Variants in GTF2F1 observed in about 807,000 individuals in gnomAD.
GTF2F1 encodes general transcription factor IIF subunit 1.
In GTF2F1, 39 loss-of-function variants were observed where a neutral mutation model predicts 63.5. The ratio of observed to expected loss-of-function variants is 0.61; its 90% CI spans 0.48 to 0.80. The LOEUF is 0.80. GTF2F1 is among the 30% of genes least tolerant of loss of function. GTF2F1 has a pLI of 0.00. For synonymous variants in GTF2F1, 287 were observed against 285.3 expected, an observed-to-expected ratio of 1.01 and a Z score of -0.06; for missense variants, 657 against 718.3, an observed-to-expected ratio of 0.91 and a Z score of 0.97.
rs1180592707 is a variant in GTF2F1 at position 6,381,832 on chromosome 19, G to T, written c.701C>A (p.Ala234Asp). The T allele has an allele frequency of 6.2e-7, 1 of 1,612,952 alleles. No homozygotes were observed. The highest frequency in any genetic ancestry group is 1.1e-5 in the South Asian group (1 of 91,078). ...SGEEGGRVPK[A>D]KKKAPLAKGG... ...CTTGGCCAGCGGCGCCTTCTTCTTGGCCTTGGGGACTCTGCCCCCTGGGAA... is the reference window on the plus strand; with the variant it reads ...CTTGGCCAGCGGCGCCTTCTTCTTGTCCTTGGGGACTCTGCCCCCTGGGAA... Residue 234 changes from alanine (A) to aspartate (D), a missense_variant, in exon 7 of 13, where the codon GCC becomes GAC. Transcript: ENST00000394456. This position sits in a 1 kb window ranked among gnomAD's most constrained non-coding sequence, Gnocchi z 4.1.
chr19:6,382,838 T>C (rs1040903817), intron 6 of GTF2F1, among the ~76,000 whole-genome samples: 1 of 147,530 alleles, frequency 6.8e-6, no homozygotes, highest in Non-Finnish European at 1.5e-5. Flanking sequence ...ATGGCTCAGC[T>C]CTCCCGGGCT....
At chr19:6,387,658 G>A (rs2145079880) in intron 4 of GTF2F1, 99 bp from the exon 5 acceptor site, 1 of 902,488 alleles carries the variant, frequency 1.1e-6, no homozygotes, top group East Asian at 2.5e-5. Flanking sequence ...TGCCATAGGA[G>A]GAAGACCAAG....
In GTF2F1 at chr19:6,389,471, AGC is replaced by A; in HGVS notation, c.297_298del (p.Leu100ProfsTer91). On this transcript the variant is annotated frameshift_variant, in exon 4 of 13. Transcript: ENST00000394456. LOFTEE classifies it high-confidence loss of function. ...CCTGCCTGATTTGCCGTTGACCCGG[AGC>A]AGCCAGGGCTGGTCCTCGGGCCGGA... 6.2e-7 allele frequency: 1 copy of A among 1,614,002 alleles called. No individual in the cohort carries two copies. Among genetic ancestry groups the A allele is most frequent in the Non-Finnish European group, 8.5e-7 (1 of 1,179,952 alleles).
intron 4 of GTF2F1, 109 bp downstream of exon 4, chr19:6,389,335 A>T (rs73920657): frequency 0.11 from 79,614 of 716,892 alleles, 8,637 homozygotes; most frequent in East Asian, 0.38. Flanking sequence ...CTTCCACTGC[A>T]GCAGTGGGAA....
At chr19:6,387,219 A>C in intron 5 of GTF2F1, 170 bp downstream of exon 5, 1 of 619,228 alleles carries the variant, frequency 1.6e-6, no homozygotes, top group Non-Finnish European at 2.8e-6. Flanking sequence ...TTGTGGCCCT[A>C]AGGCCTCCTA....
At position 6,389,694 on chromosome 19, in the gene GTF2F1, C is replaced by G. The variant is rs566814962; in HGVS notation, c.133-57G>C. The G allele has an allele frequency of 2.0e-6, 3 of 1,515,336 alleles. No individual in the cohort carries two copies. The South Asian group carries it at 3.4e-5, about 17-fold the overall frequency. The allele number at this position is 1,515,336 out of a possible 1,614,324, so 93.9% of individuals were successfully genotyped here. On this transcript the variant is annotated intron_variant, in intron 3 of 12. Transcript: ENST00000394456. The stretch of plus-strand genomic sequence containing the variant: ...TCCCTGGCTTTGCTTGCGCAGTGCC[C>G]CCCTCCAGGAACGCCCTTCCTTGCC...
In GTF2F1 at chr19:6,383,595, A is replaced by C; in HGVS notation, c.498-100T>G. On this transcript the variant is annotated intron_variant, in intron 5 of 12. Coordinates refer to ENST00000394456, the MANE Select transcript of GTF2F1 (RefSeq NM_002096.3). The surrounding 1 kb of genome is among the most constrained non-coding windows in gnomAD (Gnocchi z 4.5). ...CAGGGCACCACCCACATAGCCTTCA[A>C]GGTGATGTGGCCCCCGGGGACTTGG... 7.8e-7 allele frequency: 1 copy of C among 1,285,226 alleles called. No homozygotes were observed. The highest frequency in any genetic ancestry group is 1.3e-5 in the South Asian group (1 of 77,490). 79.6% of individuals were successfully genotyped at this position (1,285,226 alleles called of 1,614,324 possible).
Position 6,383,436 on chromosome 19 carries a change from T to A in GTF2F1, c.557A>T (p.Asp186Val), listed in dbSNP as rs1418232598. Reference sequence around the variant, plus strand: ...CTTCTCCTCCTCATCCTCGTCCTGGTCCTGATCCTTGAGCCGCCGCTGCTG... The same window carrying A: ...CTTCTCCTCCTCATCCTCGTCCTGGACCTGATCCTTGAGCCGCCGCTGCTG... ...IMQQRRLKDQ[D>V]QDEDEEEKEK... The change falls in exon 6 of 13, where the codon GAC becomes GTC. Residue 186 changes from aspartate to valine, a missense_variant. By Grantham distance (152) the Asp-to-Val change is radical. Coordinates refer to ENST00000394456, the MANE Select transcript of GTF2F1 (RefSeq NM_002096.3). The surrounding 1 kb of genome is among the most constrained non-coding windows in gnomAD (Gnocchi z 4.5). 1 of 1,614,210 alleles carries A rather than the reference T, an allele frequency of 6.2e-7. No individual in the cohort carries two copies. Among genetic ancestry groups the A allele is most frequent in the South Asian group, 1.1e-5 (1 of 91,090 alleles).
At chr19:6,388,209 C>T (rs1012982427) in intron 4 of GTF2F1, among the ~76,000 whole-genome samples, 3 of 152,154 alleles carry the variant, frequency 2.0e-5, no homozygotes, top group Non-Finnish European at 2.9e-5. Context: ...GGATTACAGG[C>T]GTGAGCCACC....
intron 4 of GTF2F1, among the ~76,000 whole-genome samples, 159 bp from the exon 5 acceptor site, chr19:6,387,718 A>G (rs2091979232): frequency 6.9e-6 from 1 of 144,718 alleles, no homozygotes; most frequent in African/African-American, 2.4e-5. Context: ...GGCCTCGTCA[A>G]TTTCCACATC....
chr19:6,387,277 G>C, intron 5 of GTF2F1, 112 bp downstream of exon 5: 2 of 1,037,114 alleles, frequency 1.9e-6, no homozygotes, highest in Non-Finnish European at 2.9e-6. Context: ...AGTGGGGTCT[G>C]CCCTGGTTAC....
chr19:6,389,287 A>T (rs1409435791), intron 4 of GTF2F1, among the ~76,000 whole-genome samples, 157 bp downstream of exon 4: 1 of 152,076 alleles, frequency 6.6e-6, no homozygotes, highest in Non-Finnish European at 1.5e-5. Context: ...AAATAAATAA[A>T]TAAATAATAA....
chr19:6,379,961 T>A lies in GTF2F1; in HGVS notation c.*320A>T. On this transcript the variant is annotated 3_prime_UTR_variant, in exon 13 of 13. Coordinates refer to ENST00000394456, the MANE Select transcript of GTF2F1 (RefSeq NM_002096.3). ...CTTAGGGAAGTGGAAGGGAGAACTG[T>A]AGAAGTTACCCAGTGGGCAGCACAG... 2.4e-6 allele frequency: 1 copy of A among 416,228 alleles called. No individual in the cohort carries two copies. The highest frequency in any genetic ancestry group is 4.5e-6 in the Non-Finnish European group (1 of 222,984). The allele number at this position is 416,228 out of a possible 1,614,324, so 25.8% of individuals were successfully genotyped here. A position where few individuals can be genotyped will look rare whatever the true frequency, so the allele number is the denominator to read the frequency against.
Position 6,383,169 on chromosome 19 carries a change from T to C in GTF2F1, c.682+142A>G. ...TGCCTGCCTCAGCCTCTCAAAGTGC[T>C]GGGATGACAGGCGTGAGCCACTGTG... is the stretch of plus-strand genomic sequence containing the variant. On this transcript the variant is annotated intron_variant, in intron 6 of 12. Transcript: ENST00000394456. The surrounding 1 kb of genome is among the most constrained non-coding windows in gnomAD (Gnocchi z 4.5). 5 of 838,348 alleles carry C rather than the reference T, an allele frequency of 6.0e-6. No individual in the cohort carries two copies. The South Asian group carries it at 8.0e-5, about 13-fold the overall frequency. The allele number at this position is 838,348 out of a possible 1,614,324, so 51.9% of individuals were successfully genotyped here.
chr19:6,383,283 G>T lies in GTF2F1; in HGVS notation c.682+28C>A. 1.2e-6 allele frequency: 2 copies of T among 1,607,540 alleles called. No homozygotes were observed. The highest frequency in any genetic ancestry group is 1.1e-5 in the South Asian group (1 of 90,904). ...GCACTGCCTGAGCAGGCACCTCTGT[G>T]ACCTAATGCCCAGGCGCCCGTACTC... On this transcript the variant is annotated intron_variant, in intron 6 of 12. Transcript: ENST00000394456. The surrounding 1 kb of genome is among the most constrained non-coding windows in gnomAD (Gnocchi z 4.5).
intron 3 of GTF2F1, among the ~76,000 whole-genome samples, chr19:6,389,936 G>C (rs1364410008): frequency 6.6e-6 from 1 of 152,220 alleles, no homozygotes; most frequent in African/African-American, 2.4e-5. Context: ...TTCCTTATCT[G>C]AGGAATGTAG....
chr19:6,391,439 GTTTTTTTT>G (rs11340944), intron 3 of GTF2F1, among the ~76,000 whole-genome samples: 24 of 87,442 alleles, frequency 2.7e-4, no homozygotes, highest in African/African-American at 6.6e-4. Context: ...TGCCATTTCC[GTTTTTTTT>G]TTTTTTTTTT....
Position 6,380,803 on chromosome 19 carries a change from G to A in GTF2F1, c.1231+101C>T. On this transcript the variant is annotated intron_variant, in intron 11 of 12. Transcript: ENST00000394456. This position sits in a 1 kb window ranked among gnomAD's most constrained non-coding sequence, Gnocchi z 5.3. ...GTTCAAGGGGATCAGGGAGAGACAG[G>A]CCTCCACCCGCATCTCCATCCCCTC... 3.3e-6 allele frequency: 5 copies of A among 1,497,740 alleles called. No individual in the cohort carries two copies. The highest frequency in any genetic ancestry group is 4.5e-6 in the Non-Finnish European group (5 of 1,112,346). The allele number at this position is 1,497,740 out of a possible 1,614,324, so 92.8% of individuals were successfully genotyped here. A position where few individuals can be genotyped will look rare whatever the true frequency, so the allele number is the denominator to read the frequency against.
rs2091964796 is a variant in GTF2F1 at position 6,383,904 on chromosome 19, C to A, written c.498-409G>T. ...CTCCGCCTCCTGGCTTCAAGCAATTCTCCTGACTCAGCCTCCCAGATAGCC... is the reference window on the plus strand; with the variant it reads ...CTCCGCCTCCTGGCTTCAAGCAATTATCCTGACTCAGCCTCCCAGATAGCC... On this transcript the variant is annotated intron_variant, in intron 5 of 12. Coordinates refer to ENST00000394456, the MANE Select transcript of GTF2F1 (RefSeq NM_002096.3). This position sits in a 1 kb window ranked among gnomAD's most constrained non-coding sequence, Gnocchi z 4.5. Among the ~76,000 whole-genome samples, 1 of 151,996 alleles carries A rather than the reference C, an allele frequency of 6.6e-6. No homozygotes were observed. The highest frequency in any genetic ancestry group is 1.5e-5 in the Non-Finnish European group (1 of 68,008).
Sources: allele counts gnomAD v4.1 joint callset (sites outside exome capture counted in the v4.1 genomes callset), GRCh38; gene constraint gnomAD v4.1.1; non-coding constraint Gnocchi (gnomAD v3.1); transcripts MANE v1.5; gene names NCBI Gene and HGNC (gene_info 2026-07-23, HGNC 2026-07-21).